Variants in HMCN1 observed in about 807,000 individuals in gnomAD.
HMCN1 encodes hemicentin-1.
A neutral mutation model predicts 625.9 loss-of-function variants in HMCN1; 321 were observed. That is an observed-to-expected ratio of 0.51 (90% CI 0.47 to 0.56). The LOEUF (loss-of-function observed/expected upper bound fraction) is 0.56, where lower values mean the gene tolerates loss of function less well. Among genes scored for constraint, HMCN1 ranks in the 20% least tolerant of loss-of-function variants. The probability of loss-of-function intolerance (pLI) is 0.00; values close to 1 mark genes in which losing one functional copy is unlikely to be tolerated. For synonymous variants in HMCN1, 2,425 were observed against 2,417.6 expected, an observed-to-expected ratio of 1.00 and a Z score of -0.09; for missense variants, 6,588 against 6,887.3, an observed-to-expected ratio of 0.96 and a Z score of 1.54.
chr1:185,923,843 C>T (rs1412229038), intron 8 of HMCN1, among the ~76,000 whole-genome samples, 190 bp downstream of exon 8: 4 of 152,180 alleles, frequency 2.6e-5, no homozygotes, highest in African/African-American at 9.7e-5. Flanking sequence ...TCCAAAGTTT[C>T]ATGTTAAGTC....
intron 104 of HMCN1, among the ~76,000 whole-genome samples, chr1:186,179,282 C>T (rs972989153): frequency 6.6e-6 from 1 of 152,100 alleles, no homozygotes; most frequent in African/African-American, 2.4e-5. Context: ...GTTTGTACGT[C>T]ACTGAAAAGA....
Position 186,087,531 on chromosome 1 carries a change from G to T in HMCN1, c.9249G>T (p.Ser3083=), listed in dbSNP as rs756117010. 2 of 1,613,212 alleles carry T rather than the reference G, an allele frequency of 1.2e-6. No individual in the cohort carries two copies. Among genetic ancestry groups the T allele is most frequent in the Non-Finnish European group, 1.7e-6 (2 of 1,179,464 alleles). ...CTTCTGTGTCTTTGGAGTGTGAGTC[G>T]AACGCTGTGCCACCTCCAGTCATCA... is the stretch of plus-strand genomic sequence containing the variant. ...EGTSVSLECE[S]NAVPPPVITW... Residue 3083 remains serine (S), a synonymous_variant, in exon 60 of 107, where the codon TCG becomes TCT. Transcript: ENST00000271588.
rs115171363 is a variant in HMCN1 at position 186,128,158 on chromosome 1, T to C, written c.12771T>C (p.His4257=). 3.2e-3 allele frequency: 5,085 copies of C among 1,613,748 alleles called. 17 individuals carry two copies. Among genetic ancestry groups the C allele is most frequent in the Non-Finnish European group, 3.6e-3 (4,198 of 1,179,790 alleles). Reference sequence around the variant, plus strand: ...CACACACTGTCAGCCTGACTGTGCATGTTCTCCCCACTTTTACTGAACTTC... The same window carrying C: ...CACACACTGTCAGCCTGACTGTGCACGTTCTCCCCACTTTTACTGAACTTC... ...EDTHTVSLTV[H]VLPTFTELPG... The change falls in exon 83 of 107, where the codon CAT becomes CAC. Residue 4257 remains histidine (H), a synonymous_variant. Transcript: ENST00000271588.
chr1:185,940,551 G>T (rs1047552172), intron 11 of HMCN1, among the ~76,000 whole-genome samples: 4 of 152,130 alleles, frequency 2.6e-5, no homozygotes, highest in East Asian at 1.9e-4. Context: ...TTTCTCTTTG[G>T]CTGTTTTCTT....
intron 105 of HMCN1, among the ~76,000 whole-genome samples, chr1:186,184,043 CT>C (rs1653119896): frequency 1.3e-5 from 2 of 152,184 alleles, no homozygotes; most frequent in African/African-American, 4.8e-5. Flanking sequence ...ATTTTTCTCC[CT>C]TTCTAAATTG....
In HMCN1 at chr1:186,171,216, T is replaced by C. The variant is rs555415194; in HGVS notation, c.15575-121T>C. 3 of 741,066 alleles carry C rather than the reference T, an allele frequency of 4.0e-6. No individual in the cohort carries two copies. The South Asian group carries it at 4.4e-5, about 11-fold the overall frequency. The allele number at this position is 741,066 out of a possible 1,614,324, so 45.9% of individuals were successfully genotyped here. ...GGCAGATCACATGAGTGCAATATAT[T>C]GGATAGGTTTTAGAGAAGATCTTAA... On this transcript the variant is annotated intron_variant, in intron 100 of 106. Coordinates refer to ENST00000271588, the MANE Select transcript of HMCN1 (RefSeq NM_031935.3).
At chr1:186,165,930 G>A (rs1422053493) in intron 98 of HMCN1, among the ~76,000 whole-genome samples, 1 of 152,208 alleles carries the variant, frequency 6.6e-6, no homozygotes, top group Non-Finnish European at 1.5e-5. Context: ...GAGCACAGTA[G>A]ATGATAAATA....
chr1:186,061,770 G>T (rs10737266), intron 46 of HMCN1, 81 bp from the exon 47 acceptor site: 472,713 of 860,892 alleles, frequency 0.55, 133,286 homozygotes, highest in African/African-American at 0.81. Context: ...AATTTTTACC[G>T]AAATTGAGCA....
At position 185,925,200 on chromosome 1, in the gene HMCN1, A is replaced by G; in HGVS notation, c.1430+9A>G. Reference sequence around the variant, plus strand: ...GTAGACCAGTATTTGAAGTAGGTACATGTTTCTGTCAGTAATAAGATTCAG... The same window carrying G: ...GTAGACCAGTATTTGAAGTAGGTACGTGTTTCTGTCAGTAATAAGATTCAG... On this transcript the variant is annotated intron_variant, in intron 9 of 106. Coordinates refer to ENST00000271588, the MANE Select transcript of HMCN1 (RefSeq NM_031935.3). 1 of 1,610,446 alleles carries G rather than the reference A, an allele frequency of 6.2e-7. No homozygotes were observed. The highest frequency in any genetic ancestry group is 8.5e-7 in the Non-Finnish European group (1 of 1,176,710).
intron 9 of HMCN1, among the ~76,000 whole-genome samples, chr1:185,926,625 A>G (rs370489858): frequency 1.3e-4 from 20 of 152,318 alleles, no homozygotes; most frequent in African/African-American, 4.8e-4. Flanking sequence ...GCCCAGAGAT[A>G]TGACATGCTT....
intron 67 of HMCN1, 85 bp from the exon 68 acceptor site, chr1:186,095,158 T>C (rs1345577091): frequency 1.5e-6 from 2 of 1,342,342 alleles, no homozygotes; most frequent in African/African-American, 2.9e-5. Context: ...ACAGAAACAT[T>C]ATAGAATTAT....
At position 186,144,677 on chromosome 1, in the gene HMCN1, A is replaced by T. The variant is rs1162411358; in HGVS notation, c.14240A>T (p.Asp4747Val). The change falls in exon 91 of 107, where the codon GAT becomes GTT. Residue 4747 changes from aspartate (D) to valine (V), a missense_variant. Around this residue, in one of 3 missense-constraint regions of HMCN1, gnomAD observed 1,954 missense variants for 2,013.1 expected, o/e 0.97. Coordinates refer to ENST00000271588, the MANE Select transcript of HMCN1 (RefSeq NM_031935.3). ...TGCGAAGGGAGTGATGTCCAGAGTG[A>T]TTTTTGCAACAGTGACCCTTGCCCA... ...RKCEGSDVQS[D>V]FCNSDPCPTH... is the part of the protein sequence containing the mutation. 1 of 1,614,102 alleles carries T rather than the reference A, an allele frequency of 6.2e-7. No individual in the cohort carries two copies. Among genetic ancestry groups the T allele is most frequent in the Admixed American group, 1.7e-5 (1 of 60,004 alleles).
intron 4 of HMCN1, among the ~76,000 whole-genome samples, chr1:185,893,325 T>G (rs1202834444): frequency 6.6e-6 from 1 of 152,250 alleles, no homozygotes; most frequent in Non-Finnish European, 1.5e-5. Flanking sequence ...TCGGCCATCT[T>G]GGCTCCTCCA....
At chr1:186,052,891 A>G (rs1234722868) in intron 42 of HMCN1, 61 bp from the exon 43 acceptor site, 1 of 1,386,954 alleles carries the variant, frequency 7.2e-7, no homozygotes, top group Non-Finnish European at 1.0e-6. Context: ...TCTTACATGT[A>G]AACTGTTATG....
At chr1:186,006,136 CAA>C (rs34375658) in intron 29 of HMCN1, among the ~76,000 whole-genome samples, 10 of 64,368 alleles carry the variant, frequency 1.6e-4, no homozygotes, top group Non-Finnish European at 1.3e-4. Flanking sequence ...GACTTCATTT[CAA>C]AAAAAAAAAA....
At chr1:186,024,581 T>C (rs1321183397) in intron 36 of HMCN1, among the ~76,000 whole-genome samples, 1 of 152,172 alleles carries the variant, frequency 6.6e-6, no homozygotes, top group Non-Finnish European at 1.5e-5. Flanking sequence ...AGGCCAACTT[T>C]GGTTTAAATT....
chr1:186,185,272 T>C (rs1005544740), intron 105 of HMCN1, among the ~76,000 whole-genome samples: 1 of 152,212 alleles, frequency 6.6e-6, no homozygotes, highest in South Asian at 2.1e-4. Flanking sequence ...GAGTTCATGA[T>C]GAAAATAAGA....
At chr1:185,773,423 T>C (rs868116212) in intron 1 of HMCN1, among the ~76,000 whole-genome samples, 5 of 152,182 alleles carry the variant, frequency 3.3e-5, no homozygotes, top group Non-Finnish European at 7.4e-5. Context: ...TTTTGTAAAG[T>C]TTTTCTCTTA....
intron 106 of HMCN1, among the ~76,000 whole-genome samples, chr1:186,188,793 A>G (rs1653520172): frequency 6.6e-6 from 1 of 152,184 alleles, no homozygotes; most frequent in African/African-American, 2.4e-5. Flanking sequence ...CTGATGGGAC[A>G]TGGAATAGGA....
Sources: gnomAD v4.1 joint callset for allele counts (sites outside exome capture counted in the v4.1 genomes callset) on GRCh38, gnomAD v4.1.1 for gene constraint, gnomAD v4.1.1 regional missense constraint, MANE v1.5 for transcripts, NCBI Gene and HGNC (gene_info 2026-07-23, HGNC 2026-07-21) for gene names.